Variants in GRXCR1 observed in about 807,000 individuals in gnomAD.
GRXCR1 encodes the protein glutaredoxin domain-containing cysteine-rich protein 1.
Under a neutral mutation model 27.3 loss-of-function variants are expected in GRXCR1, and 27 were observed. The ratio of observed to expected loss-of-function variants is 0.99; its 90% CI spans 0.73 to 1.37. The LOEUF is 1.37. Among genes scored for constraint, GRXCR1 ranks in the 40% most tolerant of loss-of-function variants. GRXCR1 has a pLI of 0.00. For synonymous variants in GRXCR1, 122 were observed against 131.1 expected (o/e 0.93, Z 0.47); for missense variants, 379 against 354.4 (o/e 1.07, Z -0.56).
intron 1 of GRXCR1, among the ~76,000 whole-genome samples, chr4:42,919,160 C>G (rs1343712805): frequency 6.6e-6 from 1 of 152,074 alleles, no homozygotes; most frequent in Non-Finnish European, 1.5e-5. Flanking sequence ...ACCAACATGG[C>G]AAAACGGGGC....
At chr4:42,937,359 G>A (rs2109760780) in intron 1 of GRXCR1, among the ~76,000 whole-genome samples, 1 of 151,222 alleles carries the variant, frequency 6.6e-6, no homozygotes, top group Non-Finnish European at 1.5e-5. Flanking sequence ...TTCTGCCCCA[G>A]TGCTATAATT....
At chr4:42,909,215 T>A (rs1241965464) in intron 1 of GRXCR1, among the ~76,000 whole-genome samples, 1 of 152,214 alleles carries the variant, frequency 6.6e-6, no homozygotes, top group African/African-American at 2.4e-5. Context: ...AGGGTAATTC[T>A]TAAGCCATGC....
intron 1 of GRXCR1, among the ~76,000 whole-genome samples, chr4:42,896,340 A>G (rs1052226744): frequency 1.3e-5 from 2 of 152,172 alleles, no homozygotes; most frequent in East Asian, 3.9e-4. Context: ...TTTCCATTTT[A>G]TTGGTCAATT....
chr4:43,020,338 TC>T lies in GRXCR1; in HGVS notation c.628-15del. 6.4e-7 allele frequency: 1 copy of T among 1,563,844 alleles called. No homozygotes were observed. Among genetic ancestry groups the T allele is most frequent in the Non-Finnish European group, 8.8e-7 (1 of 1,134,286 alleles). ...AACAAAAATGGATTTTTCTCCCTACTCTCTCTCGTTAATAGGGTGCTGAGAA... is the reference window on the plus strand; with the variant it reads ...AACAAAAATGGATTTTTCTCCCTACTTCTCTCGTTAATAGGGTGCTGAGAA... On this transcript the variant is annotated splice_polypyrimidine_tract_variant and intron_variant, in intron 2 of 3. Coordinates refer to ENST00000399770, the MANE Select transcript of GRXCR1 (RefSeq NM_001080476.3).
intron 1 of GRXCR1, among the ~76,000 whole-genome samples, chr4:42,907,088 C>A (rs745380696): frequency 2.0e-5 from 3 of 152,090 alleles, no homozygotes; most frequent in African/African-American, 7.2e-5. Context: ...GGGAAGAAAG[C>A]GAAACAAGGT....
intron 1 of GRXCR1, among the ~76,000 whole-genome samples, chr4:42,926,849 T>C (rs974684660): frequency 4.6e-5 from 7 of 152,056 alleles, no homozygotes; most frequent in African/African-American, 1.7e-4. Flanking sequence ...GGTTTTCTTT[T>C]CGTTTCTCCT....
intron 2 of GRXCR1, among the ~76,000 whole-genome samples, chr4:43,003,382 A>T (rs187936774): frequency 8.7e-4 from 133 of 152,314 alleles, no homozygotes; most frequent in African/African-American, 3.2e-3. Context: ...GGGCATTGCT[A>T]TAAAGATACC....
chr4:42,987,848 G>T (rs1253489989), intron 2 of GRXCR1, among the ~76,000 whole-genome samples: 3 of 152,168 alleles, frequency 2.0e-5, no homozygotes, highest in Non-Finnish European at 4.4e-5. Flanking sequence ...TAGGGAAGAA[G>T]TTTTTACTAG....
intron 1 of GRXCR1, among the ~76,000 whole-genome samples, chr4:42,895,045 C>G (rs1182564824): frequency 6.6e-6 from 1 of 152,022 alleles, no homozygotes; most frequent in African/African-American, 2.4e-5. Context: ...TCTGTTTATT[C>G]AAATCTCCCC....
chr4:43,021,543 AT>A (rs1367334776), intron 3 of GRXCR1, among the ~76,000 whole-genome samples: 1 of 152,220 alleles, frequency 6.6e-6, no homozygotes, highest in Admixed American at 6.5e-5. Flanking sequence ...ACAAACATTT[AT>A]TAAGTATCTA....
intron 2 of GRXCR1, among the ~76,000 whole-genome samples, chr4:43,016,337 C>T (rs1712931037): frequency 6.6e-6 from 1 of 152,116 alleles, no homozygotes; most frequent in Admixed American, 6.6e-5. Context: ...GCATTATTGT[C>T]CCTATTAGTT....
At chr4:42,979,745 G>A (rs764846220) in intron 2 of GRXCR1, among the ~76,000 whole-genome samples, 4 of 151,944 alleles carry the variant, frequency 2.6e-5, no homozygotes, top group Non-Finnish European at 5.9e-5. Context: ...GGTAGAATTG[G>A]TGTTAGTTCT....
chr4:42,922,493 G>A (rs973354291), intron 1 of GRXCR1, among the ~76,000 whole-genome samples: 7 of 152,160 alleles, frequency 4.6e-5, no homozygotes, highest in Admixed American at 3.9e-4. Context: ...TCTGGAAGCA[G>A]GCTTGGGCCC....
intron 1 of GRXCR1, among the ~76,000 whole-genome samples, chr4:42,909,226 T>A (rs1474622851): frequency 6.6e-6 from 1 of 152,198 alleles, no homozygotes; most frequent in Non-Finnish European, 1.5e-5. Flanking sequence ...TAAGCCATGC[T>A]TAAATTATTG....
At chr4:42,964,502 A>G (rs924875802) in intron 2 of GRXCR1, among the ~76,000 whole-genome samples, 9 of 152,048 alleles carry the variant, frequency 5.9e-5, no homozygotes, top group African/African-American at 2.2e-4. Flanking sequence ...GAGCTAATAC[A>G]TATTAAGCAC....
At chr4:43,028,111 CAA>C (rs1381472720) in intron 3 of GRXCR1, among the ~76,000 whole-genome samples, 6 of 120,734 alleles carry the variant, frequency 5.0e-5, no homozygotes, top group Admixed American at 8.5e-5. Flanking sequence ...GACTCCGTCT[CAA>C]AAAAAAAAAA....
At position 42,895,580 on chromosome 4, in the gene GRXCR1, G is replaced by A. The variant is rs184956048; in HGVS notation, c.384+1930G>A. 2.0e-5 allele frequency among the ~76,000 whole-genome samples: 3 copies of A among 152,176 alleles called. No homozygotes were observed. In the East Asian group the frequency reaches 5.8e-4, roughly 30 times the overall value. On this transcript the variant is annotated intron_variant, in intron 1 of 3. Transcript: ENST00000399770. The stretch of plus-strand genomic sequence containing the variant: ...ATAAGTTAAAGGAGTGGCTACACTT[G>A]GATCAGGGCTGCTAGTTGCATTATT...
chr4:42,936,192 T>C (rs1747454664), intron 1 of GRXCR1, among the ~76,000 whole-genome samples: 1 of 151,846 alleles, frequency 6.6e-6, no homozygotes, highest in Non-Finnish European at 1.5e-5. Context: ...AATGAGATGG[T>C]CAATTTTTAT....
chr4:42,903,308 A>AT (rs35512711), intron 1 of GRXCR1, among the ~76,000 whole-genome samples: 1,013 of 63,218 alleles, frequency 0.016, 105 homozygotes, highest in African/African-American at 0.043. Context: ...AGCTTTGTAG[A>AT]TTTTTTTTTT....
Sources: gnomAD v4.1 joint callset for allele counts (sites outside exome capture counted in the v4.1 genomes callset) on GRCh38, gnomAD v4.1.1 for gene constraint, MANE v1.5 for transcripts, NCBI Gene and HGNC (gene_info 2026-07-23, HGNC 2026-07-21) for gene names.